The following TNKS2 variants were observed in gnomAD, a reference collection of about 807,000 sequenced individuals.
The protein encoded by TNKS2 is poly [ADP-ribose] polymerase tankyrase-2.
TNKS2 carries 72 observed loss-of-function variants against 137.6 expected under a neutral mutation model. The ratio of observed to expected loss-of-function variants is 0.52; its 90% CI spans 0.43 to 0.64. The LOEUF (loss-of-function observed/expected upper bound fraction) is 0.64, where lower values mean the gene tolerates loss of function less well. TNKS2 is among the 30% of genes least tolerant of loss of function. The probability of loss-of-function intolerance (pLI) is 0.00; values close to 1 mark genes in which losing one functional copy is unlikely to be tolerated. For synonymous variants in TNKS2, 516 were observed against 512.1 expected, an observed-to-expected ratio of 1.01 and a Z score of -0.10; for missense variants, 1,049 against 1,410.2, an observed-to-expected ratio of 0.74 and a Z score of 4.10.
At chr10:91,857,371 A>G (rs1427360336) in intron 23 of TNKS2, 54 bp from the exon 24 acceptor site, 9 of 1,299,466 alleles carry the variant, frequency 6.9e-6, no homozygotes, top group Non-Finnish European at 1.1e-6. Context: ...GTTTAGATGA[A>G]GAAGTCAGTA....
intron 7 of TNKS2, among the ~76,000 whole-genome samples, chr10:91,822,788 C>G (rs1589660161): frequency 6.6e-6 from 1 of 152,154 alleles, no homozygotes; most frequent in East Asian, 1.9e-4. Flanking sequence ...GAACTCCTGA[C>G]CTCAAGTGAT....
At chr10:91,856,517 A>C (rs866224739) in intron 23 of TNKS2, among the ~76,000 whole-genome samples, 2 of 152,228 alleles carry the variant, frequency 1.3e-5, no homozygotes, top group Non-Finnish European at 2.9e-5. Context: ...CTTTGTCTAC[A>C]AGCATTAACA....
Position 91,862,016 on chromosome 10 carries a change from G to C in TNKS2, c.3299G>C (p.Arg1100Pro), listed in dbSNP as rs371518074. ...TTTTATAGGCAGCTGCTCTTTTGCCGGGTAACCTTGGGAAAGTCTTTCCTG... is the reference window on the plus strand; with the variant it reads ...TTTTATAGGCAGCTGCTCTTTTGCCCGGTAACCTTGGGAAAGTCTTTCCTG... ...YICHRQLLFC[R>P]VTLGKSFLQF... Residue 1100 changes from arginine to proline, a missense_variant, in exon 26 of 27, where the codon CGG becomes CCG. Arg to Pro is a moderately radical substitution (Grantham distance 103). Coordinates refer to ENST00000371627, the MANE Select transcript of TNKS2 (RefSeq NM_025235.4). 1 of 1,607,898 alleles carries C rather than the reference G, an allele frequency of 6.2e-7. No homozygotes were observed. The highest frequency in any genetic ancestry group is 1.3e-5 in the African/African-American group (1 of 74,594).
intron 17 of TNKS2, 98 bp downstream of exon 17, chr10:91,845,126 C>A: frequency 1.2e-6 from 1 of 805,504 alleles, no homozygotes; most frequent in Non-Finnish European, 2.0e-6. Flanking sequence ...TCTCATTTTA[C>A]AGAGAAGTAA....
chr10:91,812,907 T>C (rs1051815780), intron 1 of TNKS2, 76 bp from the exon 2 acceptor site: 89 of 1,531,620 alleles, frequency 5.8e-5, no homozygotes, highest in Non-Finnish European at 7.7e-5. Context: ...TGAAACATTT[T>C]AGTATGGATG....
At chr10:91,855,796 C>G in intron 23 of TNKS2, 108 bp downstream of exon 23, 2 of 681,486 alleles carry the variant, frequency 2.9e-6, no homozygotes, top group Middle Eastern at 3.4e-4. Flanking sequence ...AAGTCCTTGA[C>G]TTGGCATCAG....
intron 16 of TNKS2, among the ~76,000 whole-genome samples, chr10:91,842,733 T>A (rs1842249108): frequency 6.6e-6 from 1 of 151,964 alleles, no homozygotes; most frequent in Non-Finnish European, 1.5e-5. Context: ...ATTGTGCCAC[T>A]GTACTCCAGA....
intron 11 of TNKS2, among the ~76,000 whole-genome samples, chr10:91,832,913 T>C (rs1189502046): frequency 6.6e-6 from 1 of 152,208 alleles, no homozygotes; most frequent in Non-Finnish European, 1.5e-5. Flanking sequence ...TCTAGTGTTT[T>C]ATTACATATC....
chr10:91,835,103 CAT>C (rs1422346796), intron 12 of TNKS2, among the ~76,000 whole-genome samples: 2 of 152,036 alleles, frequency 1.3e-5, no homozygotes, highest in Non-Finnish European at 2.9e-5. Context: ...AGTGAATATG[CAT>C]GTGTGAATTA....
chr10:91,798,648 C>A lies in TNKS2; in HGVS notation c.-43C>A. 1 of 1,216,510 alleles carries A rather than the reference C, an allele frequency of 8.2e-7. No homozygotes were observed. The highest frequency in any genetic ancestry group is 1.0e-6 in the Non-Finnish European group (1 of 977,446). 75.4% of individuals were successfully genotyped at this position (1,216,510 alleles called of 1,614,324 possible). ...TGCTCGCGGGGCCGGGGCTCCTGCT[C>A]CGGTTGCTGGCGCTGTTGCTGGCTG... On this transcript the variant is annotated 5_prime_UTR_variant, in exon 1 of 27. Coordinates refer to ENST00000371627, the MANE Select transcript of TNKS2 (RefSeq NM_025235.4).
At position 91,813,056 on chromosome 10, in the gene TNKS2, C is replaced by T. The variant is rs1844560118; in HGVS notation, c.273C>T (p.Gly91=). Residue 91 remains glycine, a synonymous_variant, in exon 2 of 27, where the codon GGC becomes GGT. Coordinates refer to ENST00000371627, the MANE Select transcript of TNKS2 (RefSeq NM_025235.4). ...GANVQARDDG[G]LIPLHNACSF... is the part of the protein sequence containing the mutation. ...ATGTCCAAGCACGTGATGATGGGGGCCTTATTCCTCTTCATAATGCATGCT... is the reference window on the plus strand; with the variant it reads ...ATGTCCAAGCACGTGATGATGGGGGTCTTATTCCTCTTCATAATGCATGCT... 6.2e-7 allele frequency: 1 copy of T among 1,614,026 alleles called. No homozygotes were observed. Among genetic ancestry groups the T allele is most frequent in the Non-Finnish European group, 8.5e-7 (1 of 1,179,994 alleles).
chr10:91,851,154 C>A, intron 20 of TNKS2, 62 bp from the exon 21 acceptor site: 1 of 1,573,288 alleles, frequency 6.4e-7, no homozygotes, highest in Non-Finnish European at 8.6e-7. Context: ...TATGAAAACA[C>A]CAATATATGA....
intron 2 of TNKS2, 72 bp downstream of exon 2, chr10:91,813,279 C>G: frequency 1.6e-6 from 2 of 1,249,780 alleles, no homozygotes; most frequent in Non-Finnish European, 2.3e-6. Flanking sequence ...TTAATCTGTT[C>G]ATATCATCAA....
chr10:91,831,285 C>A (rs1589668948), intron 11 of TNKS2, 104 bp downstream of exon 11: 2 of 1,011,712 alleles, frequency 2.0e-6, no homozygotes, highest in South Asian at 1.5e-5. Flanking sequence ...ATAAGTATTA[C>A]TTTTTTTTCC....
At chr10:91,800,277 C>T (rs1438589443) in intron 1 of TNKS2, among the ~76,000 whole-genome samples, 2 of 152,192 alleles carry the variant, frequency 1.3e-5, no homozygotes, top group Non-Finnish European at 2.9e-5. Flanking sequence ...TTAGGTTGTC[C>T]TGTTTGACCA....
intron 21 of TNKS2, among the ~76,000 whole-genome samples, chr10:91,854,614 TAGTA>T (rs1335131164): frequency 2.6e-5 from 4 of 152,108 alleles, no homozygotes; most frequent in Non-Finnish European, 5.9e-5. Flanking sequence ...TTAAAATTGA[TAGTA>T]AGCGGCCAGG....
chr10:91,822,498 A>G (rs1844922198), intron 7 of TNKS2, 136 bp downstream of exon 7: 2 of 645,122 alleles, frequency 3.1e-6, no homozygotes, highest in South Asian at 4.5e-5. Context: ...TAAGCATTAT[A>G]AAATATAGGT....
chr10:91,803,930 T>G (rs189780551), intron 1 of TNKS2, among the ~76,000 whole-genome samples: 1 of 152,330 alleles, frequency 6.6e-6, no homozygotes, highest in East Asian at 1.9e-4. Flanking sequence ...AGGAGGGGGA[T>G]AGCATTTAGT....
intron 1 of TNKS2, among the ~76,000 whole-genome samples, chr10:91,809,382 C>T (rs951450975): frequency 3.3e-5 from 5 of 152,150 alleles, no homozygotes; most frequent in African/African-American, 9.7e-5. Flanking sequence ...CCCTTATCAT[C>T]TGGGCTGGGC....
Sources: allele counts gnomAD v4.1 joint callset (sites outside exome capture counted in the v4.1 genomes callset), GRCh38; gene constraint gnomAD v4.1.1; transcripts MANE v1.5; gene names NCBI Gene and HGNC (gene_info 2026-07-23, HGNC 2026-07-21).